Variants in SLC35E3 observed in about 807,000 individuals in gnomAD.
SLC35E3 encodes bladder cancer-overexpressed gene 1 protein.
Under a neutral mutation model 30.8 loss-of-function variants are expected in SLC35E3, and 28 were observed. The observed-to-expected ratio is 0.91, with a 90% CI of 0.67 to 1.25. The LOEUF is 1.25. Ranked by LOEUF, SLC35E3 falls within the 50% of genes most tolerant of loss-of-function variation. SLC35E3 has a pLI of 0.00. For missense variants in SLC35E3, 365 were observed against 375.4 expected (o/e 0.97, Z 0.23); for synonymous variants, 146 against 149.2 (o/e 0.98, Z 0.16).
chr12:68,757,620 T>C (rs1003662899), intron 3 of SLC35E3, among the ~76,000 whole-genome samples: 9 of 152,164 alleles, frequency 5.9e-5, no homozygotes, highest in African/African-American at 2.2e-4. Flanking sequence ...AACAGAACAA[T>C]TATTGGTGCA....
intron 1 of SLC35E3, 29 bp from the exon 2 acceptor site, chr12:68,747,901 G>T: frequency 8.2e-7 from 1 of 1,223,874 alleles, no homozygotes; most frequent in South Asian, 1.3e-5. Flanking sequence ...AATTTAATCT[G>T]AACAACATTT....
chr12:68,759,911 A>G (rs758539228), intron 4 of SLC35E3: 8 of 152,262 alleles, frequency 5.3e-5, no homozygotes, highest in Non-Finnish European at 1.0e-4. Context: ...AGGTATTTCT[A>G]GTAACAAAGT....
chr12:68,756,941 C>T lies in SLC35E3; in HGVS notation c.673-2216C>T, dbSNP rs189070994. The stretch of plus-strand genomic sequence containing the variant: ...GAGGCGGGAGAATGGCGTGAACCCG[C>T]GAGGCGGAGCTTGCAGTGAGCCGAG... On this transcript the variant is annotated intron_variant, in intron 3 of 4. Coordinates refer to ENST00000398004, the MANE Select transcript of SLC35E3 (RefSeq NM_018656.5). Among the ~76,000 whole-genome samples, 141 of 152,230 alleles carry T rather than the reference C, an allele frequency of 9.3e-4. 3 individuals are homozygous for T. Among genetic ancestry groups the T allele is most frequent in the African/African-American group, 3.1e-3 (130 of 41,558 alleles).
rs1879618371 is a variant in SLC35E3, at chr12:68,772,142, AT to A, written c.*7254del. 6.6e-6 allele frequency: 1 copy of A among 151,744 alleles called. No homozygotes were observed. Among genetic ancestry groups the A allele is most frequent in the Non-Finnish European group, 1.5e-5 (1 of 67,990 alleles). The allele number at this position is 151,744 out of a possible 1,614,324, so 9.4% of individuals were successfully genotyped here. ...AACCTCCGCCTCCCGGGTTCAAGCG[AT>A]TCTCCCGCCTCTGCCTCCCGAGTAG... is the stretch of plus-strand genomic sequence containing the variant. On this transcript the variant is annotated 3_prime_UTR_variant, in exon 5 of 5. Transcript: ENST00000398004.
chr12:68,754,670 T>G (rs1473011463), intron 3 of SLC35E3, among the ~76,000 whole-genome samples: 1 of 152,230 alleles, frequency 6.6e-6, no homozygotes, highest in Non-Finnish European at 1.5e-5. Flanking sequence ...AACATCCTTG[T>G]ACATCATGTG....
Position 68,752,022 on chromosome 12 carries a change from T to C in SLC35E3, c.514-10T>C, listed in dbSNP as rs745970746. On this transcript the variant is annotated splice_polypyrimidine_tract_variant and intron_variant, in intron 2 of 4. Transcript: ENST00000398004. Reference sequence around the variant, plus strand: ...TTTGTGCCAGACATGTTTTATCTCCTAATTTTCAGTGGGTAGGAGCCAAAC... The same window carrying C: ...TTTGTGCCAGACATGTTTTATCTCCCAATTTTCAGTGGGTAGGAGCCAAAC... The C allele has an allele frequency of 1.2e-5, 19 of 1,567,662 alleles. No homozygotes were observed. In the South Asian group the frequency reaches 2.3e-4, roughly 19 times the overall value.
Position 68,768,010 on chromosome 12 carries a change from T to A in SLC35E3, c.*3120T>A, listed in dbSNP as rs1008895960. ...CATTTAGAAATTCGTAACTGTAGGC[T>A]GGGCGCAGTGGCTTACGCCTATAAT... is the stretch of plus-strand genomic sequence containing the variant. On this transcript the variant is annotated 3_prime_UTR_variant, in exon 5 of 5. Transcript: ENST00000398004. 4 of 152,250 alleles carry A rather than the reference T, an allele frequency of 2.6e-5. No homozygotes were observed. The East Asian group carries it at 7.7e-4, about 29-fold the overall frequency. 9.4% of individuals were successfully genotyped at this position (152,250 alleles called of 1,614,324 possible).
intron 4 of SLC35E3, chr12:68,760,330 C>T (rs1039077610): frequency 6.6e-6 from 1 of 152,180 alleles, no homozygotes; most frequent in African/African-American, 2.4e-5. Context: ...AGGAAGTAAA[C>T]AAGTAGGATA....
At chr12:68,760,129 C>T (rs1170235956) in intron 4 of SLC35E3, 1 of 151,922 alleles carries the variant, frequency 6.6e-6, no homozygotes, top group African/African-American at 2.4e-5. Context: ...CGCTTGAGCC[C>T]AAGAGTTCGA....
intron 4 of SLC35E3, 67 bp downstream of exon 4, chr12:68,759,306 C>T (rs1879160266): frequency 8.8e-7 from 1 of 1,140,820 alleles, no homozygotes; most frequent in Non-Finnish European, 1.3e-6. Flanking sequence ...ACATTCATTA[C>T]CTTATTTGAA....
At chr12:68,750,435 G>A (rs775333008) in intron 2 of SLC35E3, among the ~76,000 whole-genome samples, 3 of 152,220 alleles carry the variant, frequency 2.0e-5, no homozygotes, top group Non-Finnish European at 4.4e-5. Flanking sequence ...GAGGCAGTGA[G>A]GGAGGAGTAC....
intron 3 of SLC35E3, among the ~76,000 whole-genome samples, chr12:68,753,809 TACACACAC>T (rs1229325376): frequency 3.4e-5 from 5 of 148,590 alleles, no homozygotes; most frequent in African/African-American, 1.2e-4. Flanking sequence ...TATATATCCA[TACACACAC>T]ACACACACAC....
chr12:68,758,933 G>C (rs1879137112), intron 3 of SLC35E3, among the ~76,000 whole-genome samples: 1 of 151,746 alleles, frequency 6.6e-6, no homozygotes, highest in African/African-American at 2.4e-5. Context: ...AGTAGAGATG[G>C]GGTTTCACCA....
At chr12:68,756,603 A>G (rs908818214) in intron 3 of SLC35E3, among the ~76,000 whole-genome samples, 5 of 152,232 alleles carry the variant, frequency 3.3e-5, no homozygotes, top group Non-Finnish European at 7.3e-5. Flanking sequence ...TATCAAAAAG[A>G]TAATCCACCA....
At chr12:68,747,266 C>CTTTTTTT (rs201303961) in intron 1 of SLC35E3, among the ~76,000 whole-genome samples, 3 of 143,804 alleles carry the variant, frequency 2.1e-5, no homozygotes, top group Admixed American at 6.9e-5. Context: ...AGGTCTTTTT[C>CTTTTTTT]TTTTTTTTTT....
chr12:68,764,994 C>A lies in SLC35E3; in HGVS notation c.*104C>A, dbSNP rs948245357. The A allele has an allele frequency of 9.0e-7, 1 of 1,105,480 alleles. No homozygotes were observed. Among genetic ancestry groups the A allele is most frequent in the African/African-American group, 1.6e-5 (1 of 63,056 alleles). The allele number at this position is 1,105,480 out of a possible 1,614,324, so 68.5% of individuals were successfully genotyped here. On this transcript the variant is annotated 3_prime_UTR_variant, in exon 5 of 5. Transcript: ENST00000398004. ...AAATTGGGCCAGGCACGGTGGCTCA[C>A]GCCTGTAATCCCAGCACTTTGGGAG...
Position 68,746,534 on chromosome 12 carries a change from G to A in SLC35E3, c.157G>A (p.Val53Ile), listed in dbSNP as rs1392826810. 1.2e-6 allele frequency: 2 copies of A among 1,614,248 alleles called. No individual in the cohort carries two copies. Among genetic ancestry groups the A allele is most frequent in the Admixed American group, 1.7e-5 (1 of 60,032 alleles). ...NMSLTLVHFV[V>I]TWLGLYICQK... ...GAGCCTGACCCTGGTGCACTTCGTG[G>A]TCACCTGGCTGGGCTTGTATATCTG... is the stretch of plus-strand genomic sequence containing the variant. The change falls in exon 1 of 5, where the codon GTC becomes ATC. Residue 53 changes from valine to isoleucine, a missense_variant. Val to Ile is a conservative substitution (Grantham distance 29). Transcript: ENST00000398004.
rs1165230383 is a variant in SLC35E3, at chr12:68,780,161, C to A, written c.*15271C>A. On this transcript the variant is annotated 3_prime_UTR_variant, in exon 5 of 5. Coordinates refer to ENST00000398004, the MANE Select transcript of SLC35E3 (RefSeq NM_018656.5). ...AATCTTAACAATTTCTAAAATCACA[C>A]TTTTTAATTTATTTTGTATTTTTTT... is the stretch of plus-strand genomic sequence containing the variant. 6.6e-6 allele frequency: 1 copy of A among 151,978 alleles called. No homozygotes were observed. Among genetic ancestry groups the A allele is most frequent in the Non-Finnish European group, 1.5e-5 (1 of 67,982 alleles). 9.4% of individuals were successfully genotyped at this position (151,978 alleles called of 1,614,324 possible). A position where few individuals can be genotyped will look rare whatever the true frequency, so the allele number is the denominator to read the frequency against.
intron 2 of SLC35E3, among the ~76,000 whole-genome samples, chr12:68,748,279 G>A (rs1878670691): frequency 6.6e-6 from 1 of 152,126 alleles, no homozygotes; most frequent in Admixed American, 6.5e-5. Context: ...AACAGTCTCA[G>A]CTTGGGGTGA....
Sources: gnomAD v4.1 joint callset for allele counts (sites outside exome capture counted in the v4.1 genomes callset) on GRCh38, gnomAD v4.1.1 for gene constraint, MANE v1.5 for transcripts, NCBI Gene and HGNC (gene_info 2026-07-23, HGNC 2026-07-21) for gene names.